Variants in ARMC10 observed in about 807,000 individuals in gnomAD.
The protein encoded by ARMC10 is armadillo repeat-containing protein 10.
A neutral mutation model predicts 30.2 loss-of-function variants in ARMC10; 23 were observed. The observed-to-expected ratio is 0.76, with a 90% CI of 0.55 to 1.08. The LOEUF is 1.08. Ranked by LOEUF, ARMC10 falls within the 50% of genes least tolerant of loss-of-function variation. The pLI, the probability that ARMC10 is intolerant of heterozygous loss-of-function variation, is 0.00. For synonymous variants in ARMC10, 111 were observed against 164.4 expected, an observed-to-expected ratio of 0.68 and a Z score of 2.48; for missense variants, 303 against 413.7, an observed-to-expected ratio of 0.73 and a Z score of 2.32.
chr7:103,075,933 G>A, intron 2 of ARMC10, 52 bp downstream of exon 2: 2 of 1,316,322 alleles, frequency 1.5e-6, no homozygotes, highest in Non-Finnish European at 2.1e-6. Flanking sequence ...CACCCTCCCA[G>A]CGGACAAATG....
chr7:103,083,202 T>C, intron 2 of ARMC10: 1 of 454,912 alleles, frequency 2.2e-6, no homozygotes, highest in Non-Finnish European at 4.4e-6. Context: ...AATTTCTTGG[T>C]ATCTATAAGC....
At chr7:103,095,870 T>C (rs1272542101) in intron 5 of ARMC10, 1 of 136,888 alleles carries the variant, frequency 7.3e-6, no homozygotes, top group African/African-American at 2.8e-5. Context: ...CACTCATAGG[T>C]GGGAATTGAA....
chr7:103,075,318 C>T lies in ARMC10; in HGVS notation c.46C>T (p.Leu16Phe). The T allele has an allele frequency of 8.1e-7, 1 of 1,238,648 alleles. No homozygotes were observed. The highest frequency in any genetic ancestry group is 1.0e-6 in the Non-Finnish European group (1 of 990,908). The allele number at this position is 1,238,648 out of a possible 1,614,324, so 76.7% of individuals were successfully genotyped here. A position where few individuals can be genotyped will look rare whatever the true frequency, so the allele number is the denominator to read the frequency against. Residue 16 changes from leucine to phenylalanine, a missense_variant, in exon 1 of 7, where the codon CTC becomes TTC. By Grantham distance (22) the Leu-to-Phe change is conservative (BLOSUM62 0). Transcript: ENST00000323716. ...GGGCTGGGTGGCGGCGGGCCTGCTG[C>T]TCGGCGCGGGCGCCTGCTACTGCAT... ...GAGWVAAGLL[L>F]GAGACYCIYR...
At chr7:103,080,613 T>A (rs893456172) in intron 2 of ARMC10, among the ~76,000 whole-genome samples, 1 of 151,332 alleles carries the variant, frequency 6.6e-6, no homozygotes, top group Non-Finnish European at 1.5e-5. Context: ...TATAGGCTCA[T>A]TATTTTATTT....
Position 103,097,310 on chromosome 7 carries a change from GA to G in ARMC10, c.743del (p.Asn248IlefsTer4). On this transcript the variant is annotated frameshift_variant, in exon 6 of 7. Transcript: ENST00000323716. LOFTEE classifies it high-confidence loss of function. ...TTTGAAACTGCTTTTGAATTTGTCT[GA>G]AAATCCAGCCATGACAGAAGGACTT... Reference protein sequence around the residue: ...QVLKLLLNLSENPAMTEGLLR... With the variant: ...QVLKLLLNLSXNPAMTEGLLR... 1 of 1,613,826 alleles carries G rather than the reference GA, an allele frequency of 6.2e-7. No homozygotes were observed. Among genetic ancestry groups the G allele is most frequent in the Non-Finnish European group, 8.5e-7 (1 of 1,179,900 alleles).
At chr7:103,078,664 GTTTT>G (rs1800110913) in intron 2 of ARMC10, among the ~76,000 whole-genome samples, 1 of 151,890 alleles carries the variant, frequency 6.6e-6, no homozygotes, top group Admixed American at 6.6e-5. Flanking sequence ...TTTTTTGTTT[GTTTT>G]GTTTTTGTTT....
At chr7:103,081,760 C>G in intron 2 of ARMC10, 2 of 364,038 alleles carry the variant, frequency 5.5e-6, no homozygotes, top group South Asian at 4.2e-5. Flanking sequence ...TTAAATTTAT[C>G]ACATTTCTGC....
In ARMC10 at chr7:103,075,408, G is replaced by A. The variant is rs750602776; in HGVS notation, c.136G>A (p.Ala46Thr). ...GCTCGGGATACGCTCTTCGAAGTCCGCAGGTGGGACCCCGGGGTTTCCGGC... is the reference window on the plus strand; with the variant it reads ...GCTCGGGATACGCTCTTCGAAGTCCACAGGTGGGACCCCGGGGTTTCCGGC... Reference protein sequence around the residue: ...RELGIRSSKSAGALEEGTSEG... With the variant: ...RELGIRSSKSTGALEEGTSEG... The change falls in exon 1 of 7, where the codon GCA (alanine) becomes ACA (threonine). Residue 46 changes from alanine to threonine, a missense_variant. Coordinates refer to ENST00000323716, the MANE Select transcript of ARMC10 (RefSeq NM_031905.5). The A allele has an allele frequency of 6.2e-6, 8 of 1,291,434 alleles. No homozygotes were observed. The highest frequency in any genetic ancestry group is 3.2e-5 in the Admixed American group (1 of 30,792). The allele number at this position is 1,291,434 out of a possible 1,614,324, so 80.0% of individuals were successfully genotyped here.
intron 1 of ARMC10, 28 bp from the exon 2 acceptor site, chr7:103,075,749 A>G: frequency 1.3e-6 from 2 of 1,555,366 alleles, no homozygotes; most frequent in Non-Finnish European, 1.7e-6. Context: ...TGAGGGGCCC[A>G]GAGCCATAGG....
chr7:103,091,653 ACTG>A, intron 4 of ARMC10, among the ~76,000 whole-genome samples: 1 of 150,724 alleles, frequency 6.6e-6, no homozygotes, highest in African/African-American at 2.4e-5. Context: ...TCTAGACCCT[ACTG>A]CTAAGGTACT....
intron 2 of ARMC10, among the ~76,000 whole-genome samples, chr7:103,077,824 CTT>C (rs1800027866): frequency 6.6e-6 from 1 of 152,204 alleles, no homozygotes. Context: ...TGTGGACAGT[CTT>C]TTAAACTTAA....
At chr7:103,077,350 T>G (rs1325901118) in intron 2 of ARMC10, among the ~76,000 whole-genome samples, 1 of 152,102 alleles carries the variant, frequency 6.6e-6, no homozygotes, top group Non-Finnish European at 1.5e-5. Context: ...TTTCTGTTGC[T>G]TATAATAGAA....
chr7:103,091,821 T>C (rs918186037), intron 4 of ARMC10, among the ~76,000 whole-genome samples: 2 of 152,174 alleles, frequency 1.3e-5, no homozygotes, highest in Non-Finnish European at 1.5e-5. Flanking sequence ...GGCTTGGCTA[T>C]TGCATCCCCA....
rs544649842 is a variant in ARMC10, at chr7:103,091,299, T to C, written c.529-1178T>C. Among the ~76,000 whole-genome samples, 15 of 152,190 alleles carry C rather than the reference T, an allele frequency of 9.9e-5. No individual in the cohort carries two copies. The East Asian group carries it at 1.4e-3, about 14-fold the overall frequency. On this transcript the variant is annotated intron_variant, in intron 4 of 6. Transcript: ENST00000323716. ...CAAAAATTAGCTGGGCATGGTGGCA[T>C]TGCAGCCTGTGCGGCAGTGAGACCT...
intron 2 of ARMC10, chr7:103,082,018 G>T: frequency 2.4e-6 from 1 of 408,978 alleles, no homozygotes; most frequent in South Asian, 1.8e-5. Context: ...GTTTCTTCCT[G>T]TGTAAAATAA....
chr7:103,090,933 C>A (rs1471182340), intron 4 of ARMC10, among the ~76,000 whole-genome samples: 1 of 152,050 alleles, frequency 6.6e-6, no homozygotes, highest in Admixed American at 6.6e-5. Context: ...TTTAATCTCT[C>A]ATTGCTTTAC....
intron 4 of ARMC10, among the ~76,000 whole-genome samples, chr7:103,090,250 TTGAAAGACA>T (rs1329274783): frequency 6.6e-6 from 1 of 152,236 alleles, no homozygotes; most frequent in Non-Finnish European, 1.5e-5. Context: ...AGGAAATGCC[TTGAAAGACA>T]TCAGCATCTT....
intron 3 of ARMC10, among the ~76,000 whole-genome samples, chr7:103,084,534 T>C (rs990979414): frequency 2.6e-5 from 4 of 152,220 alleles, no homozygotes; most frequent in Non-Finnish European, 4.4e-5. Context: ...ATGTACTCTT[T>C]CAGTTATAAA....
rs1217129100 is a variant in ARMC10 at position 103,098,767 on chromosome 7, C to T, written c.*214C>T. On this transcript the variant is annotated 3_prime_UTR_variant, in exon 7 of 7. Transcript: ENST00000323716. ...TTGTACTGAAACCATTTATTTCTTT[C>T]TATTTTGCTATTTGCAAATGCTTGT... The T allele has an allele frequency of 6.0e-6, 3 of 502,108 alleles. No homozygotes were observed. Among genetic ancestry groups the T allele is most frequent in the East Asian group, 7.1e-5 (2 of 28,296 alleles). 31.1% of individuals were successfully genotyped at this position (502,108 alleles called of 1,614,324 possible).
Sources: gnomAD v4.1 joint callset for allele counts (sites outside exome capture counted in the v4.1 genomes callset) on GRCh38, gnomAD v4.1.1 for gene constraint, MANE v1.5 for transcripts, NCBI Gene and HGNC (gene_info 2026-07-23, HGNC 2026-07-21) for gene names.